The following RESF1 variants were observed in gnomAD, a reference collection of about 807,000 sequenced individuals.
RESF1 encodes gonad expressed transcript.
In RESF1, 65 loss-of-function variants were observed where a neutral mutation model predicts 134.7. The observed-to-expected ratio is 0.48, with a 90% CI of 0.40 to 0.59. RESF1 has a LOEUF of 0.59. RESF1 is among the 20% of genes least tolerant of loss of function. The probability of loss-of-function intolerance (pLI) is 0.00; values close to 1 mark genes in which losing one functional copy is unlikely to be tolerated. For synonymous variants in RESF1, 762 were observed against 702.2 expected (o/e 1.09, Z -1.35); for missense variants, 2,274 against 2,002.7 (o/e 1.14, Z -2.59).
At chr12:31,975,089 A>G (rs544555425) in intron 3 of RESF1, among the ~76,000 whole-genome samples, 16 of 152,056 alleles carry the variant, frequency 1.1e-4, no homozygotes, top group Non-Finnish European at 1.8e-4. Context: ...CTTGGCCAAC[A>G]TGGTGAAACC....
In RESF1 at chr12:31,982,564, G is replaced by C; in HGVS notation, c.1609G>C (p.Ala537Pro). The C allele has an allele frequency of 6.2e-7, 1 of 1,613,816 alleles. No homozygotes were observed. The highest frequency in any genetic ancestry group is 1.3e-5 in the African/African-American group (1 of 75,026). Reference protein sequence around the residue: ...SKTSAVEMTQAVLNTQLSSEN... With the variant: ...SKTSAVEMTQPVLNTQLSSEN... ...GACATCAGCTGTTGAGATGACCCAG[G>C]CAGTATTGAATACTCAGCTTTCATC... The change falls in exon 4 of 6, where the codon GCA becomes CCA. Residue 537 changes from alanine (A) to proline (P), a missense_variant. By Grantham distance (27) the Ala-to-Pro change is conservative. Coordinates refer to ENST00000312561, the MANE Select transcript of RESF1 (RefSeq NM_018169.4).
At chr12:31,975,439 A>T (rs80267993) in intron 3 of RESF1, among the ~76,000 whole-genome samples, 2 of 152,194 alleles carry the variant, frequency 1.3e-5, no homozygotes, top group Non-Finnish European at 2.9e-5. Flanking sequence ...TCTGTATCCA[A>T]TGGGTCTTAC....
chr12:31,967,955 T>C (rs1217107563), intron 2 of RESF1, among the ~76,000 whole-genome samples: 1 of 152,248 alleles, frequency 6.6e-6, no homozygotes, highest in Non-Finnish European at 1.5e-5. Context: ...ACTGATAGGC[T>C]AATTTTTTCT....
chr12:31,982,534 T>C lies in RESF1; in HGVS notation c.1579T>C (p.Ser527Pro). The stretch of plus-strand genomic sequence containing the variant: ...ATCTCATGATGTGAAAGTTCTCACT[T>C]CAAAGACATCAGCTGTTGAGATGAC... ...DSSHDVKVLT[S>P]KTSAVEMTQA... is the part of the protein sequence containing the mutation. The change falls in exon 4 of 6, where the codon TCA becomes CCA. Residue 527 changes from serine to proline, a missense_variant. By Grantham distance (74) the Ser-to-Pro change is moderately conservative (BLOSUM62 -1). Coordinates refer to ENST00000312561, the MANE Select transcript of RESF1 (RefSeq NM_018169.4). The C allele has an allele frequency of 6.2e-7, 1 of 1,613,756 alleles. No individual in the cohort carries two copies. Among genetic ancestry groups the C allele is most frequent in the South Asian group, 1.1e-5 (1 of 91,082 alleles).
intron 3 of RESF1, among the ~76,000 whole-genome samples, chr12:31,972,182 GT>G (rs1263706406): frequency 6.6e-6 from 1 of 152,146 alleles, no homozygotes; most frequent in Non-Finnish European, 1.5e-5. Flanking sequence ...CTGATAAGGT[GT>G]TTCCCTGAGT....
In RESF1 at chr12:31,967,631, C is replaced by T. The variant is rs1592251050; in HGVS notation, c.-246-2558C>T. On this transcript the variant is annotated intron_variant, in intron 2 of 5. Coordinates refer to ENST00000312561, the MANE Select transcript of RESF1 (RefSeq NM_018169.4). ...CTGCACGCCCGCCCACCCCCACCCCCCACAACACCAGCCTGCCTCCGCAGG... is the reference window on the plus strand; with the variant it reads ...CTGCACGCCCGCCCACCCCCACCCCTCACAACACCAGCCTGCCTCCGCAGG... Among the ~76,000 whole-genome samples the T allele has an allele frequency of 2.0e-5, 3 of 151,444 alleles. No homozygotes were observed. The South Asian group carries it at 6.3e-4, about 32-fold the overall frequency.
At chr12:31,975,151 G>A (rs1419227707) in intron 3 of RESF1, among the ~76,000 whole-genome samples, 1 of 152,068 alleles carries the variant, frequency 6.6e-6, no homozygotes, top group African/African-American at 2.4e-5. Flanking sequence ...GCGCGCGCCT[G>A]TAGTCCCAGC....
rs1418220021 is a variant in RESF1, at chr12:31,981,093, C to T, written c.138C>T (p.Asn46=). ...SQSSFSYPGS[N]QEACMYPGNS... is the part of the protein sequence containing the mutation. ...GTTCTTTCAGCTATCCTGGAAGTAA[C>T]CAAGAAGCATGCATGTATCCCGGTA... is the stretch of plus-strand genomic sequence containing the variant. The change falls in exon 4 of 6, where the codon AAC becomes AAT. Residue 46 remains asparagine, a synonymous_variant. Coordinates refer to ENST00000312561, the MANE Select transcript of RESF1 (RefSeq NM_018169.4). 2.5e-6 allele frequency: 4 copies of T among 1,614,042 alleles called. No homozygotes were observed. Among genetic ancestry groups the T allele is most frequent in the African/African-American group, 1.3e-5 (1 of 74,916 alleles).
At chr12:31,961,860 C>G (rs1368419875) in intron 2 of RESF1, among the ~76,000 whole-genome samples, 1 of 152,188 alleles carries the variant, frequency 6.6e-6, no homozygotes, top group Non-Finnish European at 1.5e-5. Context: ...TCTCTTCCCT[C>G]CTAGATTATC....
chr12:31,989,045 C>T (rs1317427682), intron 5 of RESF1, among the ~76,000 whole-genome samples: 1 of 151,586 alleles, frequency 6.6e-6, no homozygotes, highest in African/African-American at 2.4e-5. Context: ...TAGGGTTTGG[C>T]TTTGAAAACT....
chr12:31,983,506 A>C lies in RESF1; in HGVS notation c.2551A>C (p.Thr851Pro). ...NESTNGNSEV[T>P]PNVNQGKHNK... ...GTCAACTAATGGTAATTCAGAAGTCACACCTAATGTCAATCAAGGAAAGCA... is the reference window on the plus strand; with the variant it reads ...GTCAACTAATGGTAATTCAGAAGTCCCACCTAATGTCAATCAAGGAAAGCA... Residue 851 changes from threonine to proline, a missense_variant, in exon 4 of 6, where the codon ACA becomes CCA. Physicochemically the swap from Thr to Pro is conservative, Grantham distance 38. Transcript: ENST00000312561. 6.2e-7 allele frequency: 1 copy of C among 1,614,122 alleles called. No homozygotes were observed. The highest frequency in any genetic ancestry group is 8.5e-7 in the Non-Finnish European group (1 of 1,180,018).
rs1174013020 is a variant in RESF1, at chr12:31,982,003, T to C, written c.1048T>C (p.Phe350Leu). ...LKVNTNSKQPFNSPIRSSVDG... is the reference protein window; with the variant it reads ...LKVNTNSKQPLNSPIRSSVDG... ...AGTAAATACCAACAGCAAACAGCCT[T>C]TTAACAGTCCCATTAGATCTTCTGT... is the stretch of plus-strand genomic sequence containing the variant. Residue 350 changes from phenylalanine to leucine, a missense_variant, in exon 4 of 6, where the codon TTT becomes CTT. Physicochemically the swap from Phe to Leu is conservative, Grantham distance 22 (BLOSUM62 0). Coordinates refer to ENST00000312561, the MANE Select transcript of RESF1 (RefSeq NM_018169.4). 3 of 1,614,160 alleles carry C rather than the reference T, an allele frequency of 1.9e-6. No homozygotes were observed. In the Admixed American group the frequency reaches 5.0e-5, roughly 27 times the overall value.
intron 4 of RESF1, among the ~76,000 whole-genome samples, chr12:31,986,726 T>G (rs534893924): frequency 6.6e-6 from 1 of 152,322 alleles, no homozygotes; most frequent in South Asian, 2.1e-4. Flanking sequence ...TGAGAAAGAT[T>G]GGAAAACTAA....
chr12:31,962,074 A>C (rs143441137), intron 2 of RESF1, among the ~76,000 whole-genome samples: 1 of 152,162 alleles, frequency 6.6e-6, no homozygotes. Context: ...ATCTTTACTA[A>C]TAATAACAAA....
In RESF1 at chr12:31,981,329, G is replaced by A. The variant is rs1286966278; in HGVS notation, c.374G>A (p.Arg125Lys). The part of the protein sequence containing the change: ...TQNVWLNSPM[R>K]NPVHSHIGAT... Reference sequence around the variant, plus strand: ...AACGTATGGTTGAACTCACCAATGAGGAATCCTGTGCATTCTCATATAGGG... The same window carrying A: ...AACGTATGGTTGAACTCACCAATGAAGAATCCTGTGCATTCTCATATAGGG... Residue 125 changes from arginine to lysine, a missense_variant, in exon 4 of 6, where the codon AGG becomes AAG. Arg to Lys is a conservative substitution (Grantham distance 26, BLOSUM62 2). Coordinates refer to ENST00000312561, the MANE Select transcript of RESF1 (RefSeq NM_018169.4). 2 of 1,614,052 alleles carry A rather than the reference G, an allele frequency of 1.2e-6. No individual in the cohort carries two copies. Among genetic ancestry groups the A allele is most frequent in the East Asian group, 2.2e-5 (1 of 44,880 alleles).
At position 31,981,613 on chromosome 12, in the gene RESF1, TACTC is replaced by T; in HGVS notation, c.661_664del (p.Ser221HisfsTer29). ...CAGACCACCTCCAAAGCTATACCGT[TACTC>T]ACCACAAAGCTTTTTACCAGATTCT... On this transcript the variant is annotated frameshift_variant, in exon 4 of 6. Coordinates refer to ENST00000312561, the MANE Select transcript of RESF1 (RefSeq NM_018169.4). LOFTEE classifies it high-confidence loss of function. 1.9e-6 allele frequency: 3 copies of T among 1,614,130 alleles called. No homozygotes were observed. The highest frequency in any genetic ancestry group is 1.7e-6 in the Non-Finnish European group (2 of 1,180,018).
In RESF1 at chr12:31,985,087, G is replaced by T; in HGVS notation, c.4132G>T (p.Asp1378Tyr). The change falls in exon 4 of 6, where the codon GAC becomes TAC. Residue 1378 changes from aspartate to tyrosine, a missense_variant. Asp to Tyr is a radical substitution (Grantham distance 160). Coordinates refer to ENST00000312561, the MANE Select transcript of RESF1 (RefSeq NM_018169.4). ...SVSFKQKRKL[D>Y]QGNVLDMEVK... The stretch of plus-strand genomic sequence containing the variant: ...TAGCTTCAAACAAAAACGAAAGTTA[G>T]ACCAAGGGAACGTATTAGATATGGA... 6.4e-7 allele frequency: 1 copy of T among 1,566,374 alleles called. No homozygotes were observed. Among genetic ancestry groups the T allele is most frequent in the South Asian group, 1.2e-5 (1 of 81,550 alleles).
In RESF1 at chr12:31,983,599, A is replaced by C. The variant is rs1335868841; in HGVS notation, c.2644A>C (p.Ser882Arg). ...DQQISQESRN[S>R]TVVSSDTLQI... ...GCAAATCTCACAGGAGTCAAGGAAT[A>C]GTACTGTTGTGAGTAGTGATACATT... Residue 882 changes from serine to arginine, a missense_variant, in exon 4 of 6, where the codon AGT becomes CGT. Ser to Arg is a moderately radical substitution (Grantham distance 110). Transcript: ENST00000312561. 1 of 1,614,106 alleles carries C rather than the reference A, an allele frequency of 6.2e-7. No homozygotes were observed. The highest frequency in any genetic ancestry group is 8.5e-7 in the Non-Finnish European group (1 of 1,179,964).
chr12:31,980,746 CTCT>C (rs1303701593), intron 3 of RESF1, 129 bp from the exon 4 acceptor site: 8 of 480,466 alleles, frequency 1.7e-5, no homozygotes, highest in Non-Finnish European at 2.9e-5. Context: ...TCTATTGCTC[CTCT>C]TCTTCCCAAA....
Sources: allele counts gnomAD v4.1 joint callset (sites outside exome capture counted in the v4.1 genomes callset), GRCh38; gene constraint gnomAD v4.1.1; transcripts MANE v1.5; gene names NCBI Gene and HGNC (gene_info 2026-07-23, HGNC 2026-07-21).